The following ARHGAP30 variants were observed in gnomAD, a reference collection of about 807,000 sequenced individuals.
ARHGAP30 encodes rho GTPase-activating protein 30.
ARHGAP30 carries 23 observed loss-of-function variants against 72.0 expected under a neutral mutation model. That is an observed-to-expected ratio of 0.32 (90% CI 0.23 to 0.45). The LOEUF is 0.45. ARHGAP30 is among the 20% of genes least tolerant of loss of function. The probability of loss-of-function intolerance (pLI) is 1.00; values close to 1 mark genes in which losing one functional copy is unlikely to be tolerated. For synonymous variants in ARHGAP30, 576 were observed against 528.2 expected (o/e 1.09, Z -1.24); for missense variants, 1,319 against 1,383.4 (o/e 0.95, Z 0.74).
At position 161,048,613 on chromosome 1, in the gene ARHGAP30, C is replaced by T. The variant is rs766646967; in HGVS notation, c.2408G>A (p.Arg803Lys). 1.2e-6 allele frequency: 2 copies of T among 1,614,026 alleles called. No homozygotes were observed. Among genetic ancestry groups the T allele is most frequent in the Non-Finnish European group, 1.7e-6 (2 of 1,180,002 alleles). Reference sequence around the variant, plus strand: ...TCTTGCTTCATGGTACCCCTTCTCCCTCTGTCCTTTGTCCTCATCCTCTCT... The same window carrying T: ...TCTTGCTTCATGGTACCCCTTCTCCTTCTGTCCTTTGTCCTCATCCTCTCT... The part of the protein sequence containing the change: ...GVREDEDKGQ[R>K]EKGYHEARKD... Residue 803 changes from arginine (R) to lysine (K), a missense_variant, in exon 12 of 12, where the codon AGG becomes AAG. Coordinates refer to ENST00000368013, the MANE Select transcript of ARHGAP30 (RefSeq NM_001025598.2).
chr1:161,047,813 G>A lies in ARHGAP30; in HGVS notation c.3208C>T (p.Pro1070Ser). 1 of 1,607,526 alleles carries A rather than the reference G, an allele frequency of 6.2e-7. No individual in the cohort carries two copies. The highest frequency in any genetic ancestry group is 8.5e-7 in the Non-Finnish European group (1 of 1,177,482). The change falls in exon 12 of 12, where the codon CCC becomes TCC. Residue 1070 changes from proline (P) to serine (S), a missense_variant. Pro to Ser is a moderately conservative substitution (Grantham distance 74). Transcript: ENST00000368013. Reference sequence around the variant, plus strand: ...GGGTCAGGAACCTGGGGTTCTCTGGGGGGCAGACTAAGACGACTCCGGGAT... The same window carrying A: ...GGGTCAGGAACCTGGGGTTCTCTGGAGGGCAGACTAAGACGACTCCGGGAT... ...SGSRSRLSLPPREPQVPDPLL... is the reference protein window; with the variant it reads ...SGSRSRLSLPSREPQVPDPLL...
In ARHGAP30 at chr1:161,064,779, A is replaced by AAAGAAAG. The variant is rs1553219780; in HGVS notation, c.97+4748_97+4749insCTTTCTT. ...AGAAAGAGAAAGAAAGAAAGAAAGA[A>AAAGAAAG]AAAGAAAGAAAGAAAGAAAGAAAGA... On this transcript the variant is annotated intron_variant, in intron 1 of 11. Transcript: ENST00000368013. 5.2e-3 allele frequency among the ~76,000 whole-genome samples: 512 copies of AAAGAAAG among 98,142 alleles called. 7 individuals carry two copies. The highest frequency in any genetic ancestry group is 0.029 in the South Asian group (85 of 2,908). The allele number at this position is 98,142 out of a possible 152,430, so 64.4% of individuals were successfully genotyped here.
Position 161,049,492 on chromosome 1 carries a change from C to G in ARHGAP30, c.1618G>C (p.Ala540Pro). The G allele has an allele frequency of 6.2e-7, 1 of 1,614,084 alleles. No individual in the cohort carries two copies. The highest frequency in any genetic ancestry group is 2.2e-5 in the East Asian group (1 of 44,878). The change falls in exon 11 of 12, where the codon GCC becomes CCC. Residue 540 changes from alanine (A) to proline (P), a missense_variant. Ala to Pro is a conservative substitution (Grantham distance 27, BLOSUM62 -1). Transcript: ENST00000368013. ...GGGTCGTCCTCCCCAGGGGAGAAGG[C>G]TGCTCCTGCTGCTTCTGCCTGGGCC... is the stretch of plus-strand genomic sequence containing the variant. ...EVAQAEAAGAAFSPGEDDPGM... is the reference protein window; with the variant it reads ...EVAQAEAAGAPFSPGEDDPGM...
At chr1:161,056,116 A>G (rs950800461) in intron 3 of ARHGAP30, among the ~76,000 whole-genome samples, 6 of 152,062 alleles carry the variant, frequency 3.9e-5, no homozygotes, top group Admixed American at 1.3e-4. Flanking sequence ...TACCTCCCCA[A>G]GTCTCACCAC....
At chr1:161,059,570 C>T (rs764226395) in intron 2 of ARHGAP30, 44 bp downstream of exon 2, 1 of 1,539,906 alleles carries the variant, frequency 6.5e-7, no homozygotes, top group Non-Finnish European at 8.9e-7. Context: ...CTTCTGGCTC[C>T]CTGGCCTCCT....
intron 1 of ARHGAP30, among the ~76,000 whole-genome samples, chr1:161,065,169 T>G (rs925056861): frequency 6.6e-6 from 1 of 152,146 alleles, no homozygotes; most frequent in Non-Finnish European, 1.5e-5. Context: ...AGGGATGGGG[T>G]CTCACCATGT....
intron 1 of ARHGAP30, among the ~76,000 whole-genome samples, chr1:161,068,967 G>C (rs916788143): frequency 6.6e-6 from 1 of 152,048 alleles, no homozygotes; most frequent in Non-Finnish European, 1.5e-5. Context: ...ACAAAGACTA[G>C]GGGCAGAGGT....
chr1:161,054,680 G>A lies in ARHGAP30; in HGVS notation c.371C>T (p.Pro124Leu). 6.2e-7 allele frequency: 1 copy of A among 1,614,014 alleles called. No homozygotes were observed. The part of the protein sequence containing the change: ...FAEAVGVQLE[P>L]ERLVKILEVL... ...CTCTAGGATCTTGACCAAGCGCTCAGGTTCCAATTGCACTCCTACAGCCTC... is the reference window on the plus strand; with the variant it reads ...CTCTAGGATCTTGACCAAGCGCTCAAGTTCCAATTGCACTCCTACAGCCTC... The change falls in exon 4 of 12, where the codon CCT becomes CTT. Residue 124 changes from proline (P) to leucine (L), a missense_variant. Physicochemically the swap from Pro to Leu is moderately conservative, Grantham distance 98. Transcript: ENST00000368013.
chr1:161,050,838 C>T (rs890548773), intron 10 of ARHGAP30, among the ~76,000 whole-genome samples: 1 of 152,036 alleles, frequency 6.6e-6, no homozygotes, highest in African/African-American at 2.4e-5. Context: ...GATGGGGTTT[C>T]GCCATGTTGG....
chr1:161,064,928 A>G (rs371887663), intron 1 of ARHGAP30, among the ~76,000 whole-genome samples: 44 of 150,848 alleles, frequency 2.9e-4, no homozygotes, highest in African/African-American at 1.1e-3. Flanking sequence ...AGAAAAGGAA[A>G]GGAAGGGAAG....
intron 2 of ARHGAP30, among the ~76,000 whole-genome samples, chr1:161,058,902 G>A (rs1652112940): frequency 6.6e-6 from 1 of 150,720 alleles, no homozygotes. Context: ...ATTAGATAGT[G>A]ATGATTATTG....
In ARHGAP30 at chr1:161,049,245, G is replaced by A. The variant is rs1651164016; in HGVS notation, c.1776C>T (p.Asp592=). The A allele has an allele frequency of 6.2e-7, 1 of 1,614,034 alleles. No individual in the cohort carries two copies. Among genetic ancestry groups the A allele is most frequent in the Non-Finnish European group, 8.5e-7 (1 of 1,180,022 alleles). ...FVLAPSCCSL[D]SAGPRPEVEE... Reference sequence around the variant, plus strand: ...CAACTTCAGGCCTGGGGCCAGCGGAGTCCAGGGAACAGCAGCTGGGGGCCA... The same window carrying A: ...CAACTTCAGGCCTGGGGCCAGCGGAATCCAGGGAACAGCAGCTGGGGGCCA... The change falls in exon 12 of 12, where the codon GAC becomes GAT. Residue 592 remains aspartate (D), a synonymous_variant. Transcript: ENST00000368013.
Position 161,047,095 on chromosome 1 carries a change from A to T in ARHGAP30, c.*620T>A, listed in dbSNP as rs1255082267. 2.4e-6 allele frequency: 1 copy of T among 423,860 alleles called. No homozygotes were observed. Among genetic ancestry groups the T allele is most frequent in the African/African-American group, 2.1e-5 (1 of 47,746 alleles). The allele number at this position is 423,860 out of a possible 1,614,324, so 26.3% of individuals were successfully genotyped here. A position where few individuals can be genotyped will look rare whatever the true frequency, so the allele number is the denominator to read the frequency against. On this transcript the variant is annotated 3_prime_UTR_variant, in exon 12 of 12. Transcript: ENST00000368013. ...CAAGTTATTCCAAAGGAGAAAGGAGAGCCCAGAGAGATCTGTACAGGACCT... is the reference window on the plus strand; with the variant it reads ...CAAGTTATTCCAAAGGAGAAAGGAGTGCCCAGAGAGATCTGTACAGGACCT...
chr1:161,063,350 C>A (rs1019337398), intron 1 of ARHGAP30, among the ~76,000 whole-genome samples: 2 of 152,152 alleles, frequency 1.3e-5, no homozygotes, highest in Non-Finnish European at 2.9e-5. Flanking sequence ...TTTATTAGTT[C>A]CCCAAATTAA....
chr1:161,053,203 T>C (rs1264741191), intron 6 of ARHGAP30, 55 bp downstream of exon 6: 3 of 1,604,800 alleles, frequency 1.9e-6, no homozygotes, highest in Non-Finnish European at 2.6e-6. Context: ...AGGCTCTCTG[T>C]AACTAACTTG....
chr1:161,051,278 C>A lies in ARHGAP30; in HGVS notation c.1420+36G>T, dbSNP rs1304243603. On this transcript the variant is annotated intron_variant, in intron 10 of 11. Coordinates refer to ENST00000368013, the MANE Select transcript of ARHGAP30 (RefSeq NM_001025598.2). ...AGAGCTTCAGCCTAGAGTTCCAGTC[C>A]CCTTTCCTAGTCTTGGTCAATCAAT... 2.0e-6 allele frequency: 3 copies of A among 1,533,488 alleles called. No individual in the cohort carries two copies. The South Asian group carries it at 3.8e-5, about 20-fold the overall frequency. 95.0% of individuals were successfully genotyped at this position (1,533,488 alleles called of 1,614,324 possible). A position where few individuals can be genotyped will look rare whatever the true frequency, so the allele number is the denominator to read the frequency against.
rs779570770 is a variant in ARHGAP30, at chr1:161,049,075, C to T, written c.1946G>A (p.Gly649Glu). ...AACTTCCCAGCATGCCTGCTCTTCC[C>T]CACCCTGTCCCAGAGCCTGCCTTCC... is the stretch of plus-strand genomic sequence containing the variant. ...GCGRQALGQG[G>E]EEQACWEVGE... The change falls in exon 12 of 12, where the codon GGG becomes GAG. Residue 649 changes from glycine (G) to glutamate (E), a missense_variant. Coordinates refer to ENST00000368013, the MANE Select transcript of ARHGAP30 (RefSeq NM_001025598.2). The T allele has an allele frequency of 8.7e-6, 14 of 1,614,160 alleles. No individual in the cohort carries two copies. The South Asian group carries it at 1.5e-4, about 18-fold the overall frequency.
chr1:161,054,548 G>A lies in ARHGAP30; in HGVS notation c.428+75C>T. 8 of 1,602,398 alleles carry A rather than the reference G, an allele frequency of 5.0e-6. 1 individual carries two copies. In the Middle Eastern group the frequency reaches 1.3e-3, roughly 266 times the overall value. Reference sequence around the variant, plus strand: ...TTAGGGCTGGGACCTGGGAGCAGTAGGACCCAGTTAAGGCTCCAGGCAGCG... The same window carrying A: ...TTAGGGCTGGGACCTGGGAGCAGTAAGACCCAGTTAAGGCTCCAGGCAGCG... On this transcript the variant is annotated intron_variant, in intron 4 of 11. Transcript: ENST00000368013.
intron 5 of ARHGAP30, among the ~76,000 whole-genome samples, chr1:161,053,894 C>T (rs1651631834): frequency 6.6e-6 from 1 of 152,052 alleles, no homozygotes; most frequent in Non-Finnish European, 1.5e-5. Context: ...GGTGAAACCC[C>T]TTCTCTCTAC....
Sources: gnomAD v4.1 joint callset for allele counts (sites outside exome capture counted in the v4.1 genomes callset) on GRCh38, gnomAD v4.1.1 for gene constraint, MANE v1.5 for transcripts, NCBI Gene and HGNC (gene_info 2026-07-23, HGNC 2026-07-21) for gene names.